SLC10A7: variants seen among roughly 807,000 people sequenced by gnomAD.
The protein encoded by SLC10A7 is sodium/bile acid cotransporter 7.
SLC10A7 carries 29 observed loss-of-function variants against 43.2 expected under a neutral mutation model. The observed-to-expected ratio is 0.67, with a 90% CI of 0.50 to 0.92. The LOEUF is 0.92. Ranked by LOEUF, SLC10A7 falls within the 40% of genes least tolerant of loss-of-function variation. The pLI is 0.00. For missense variants in SLC10A7, 295 were observed against 403.2 expected (o/e 0.73, Z 2.30); for synonymous variants, 152 against 144.8 (o/e 1.05, Z -0.35).
chr4:146,419,242 A>G (rs1160043426), intron 5 of SLC10A7, among the ~76,000 whole-genome samples: 1 of 152,092 alleles, frequency 6.6e-6, no homozygotes. Context: ...GAAAGTCCCT[A>G]CCCTCTAATC....
At chr4:146,319,273 G>T (rs967823948) in intron 6 of SLC10A7, among the ~76,000 whole-genome samples, 1 of 151,994 alleles carries the variant, frequency 6.6e-6, no homozygotes, top group African/African-American at 2.4e-5. Context: ...TAAGGACACT[G>T]GGTATACTCC....
chr4:146,335,595 T>C (rs1335908229), intron 5 of SLC10A7, among the ~76,000 whole-genome samples: 1 of 152,070 alleles, frequency 6.6e-6, no homozygotes, highest in African/African-American at 2.4e-5. Context: ...ACAGAGGAAC[T>C]GTCCCGCAGA....
intron 5 of SLC10A7, among the ~76,000 whole-genome samples, chr4:146,406,374 A>G (rs992330278): frequency 2.0e-4 from 31 of 152,206 alleles, no homozygotes; most frequent in Non-Finnish European, 4.4e-4. Context: ...TTTTAAGCCT[A>G]TCGCTGAATA....
At chr4:146,368,972 G>C (rs184370354) in intron 5 of SLC10A7, among the ~76,000 whole-genome samples, 1 of 152,272 alleles carries the variant, frequency 6.6e-6, no homozygotes, top group Non-Finnish European at 1.5e-5. Flanking sequence ...GAGCTACCCA[G>C]CCTGTATTAA....
intron 3 of SLC10A7, among the ~76,000 whole-genome samples, chr4:146,508,792 A>G (rs1328480174): frequency 6.6e-6 from 1 of 152,212 alleles, no homozygotes; most frequent in Non-Finnish European, 1.5e-5. Flanking sequence ...ATTTGCAAAC[A>G]TAAATCAGAC....
intron 4 of SLC10A7, among the ~76,000 whole-genome samples, chr4:146,491,241 A>C (rs1735387504): frequency 6.6e-6 from 1 of 152,164 alleles, no homozygotes; most frequent in Admixed American, 6.5e-5. Flanking sequence ...CAAGCAGCAG[A>C]AGAATTCATG....
intron 7 of SLC10A7, among the ~76,000 whole-genome samples, chr4:146,301,416 G>T (rs1389152004): frequency 6.6e-6 from 1 of 152,186 alleles, no homozygotes; most frequent in Non-Finnish European, 1.5e-5. Context: ...GGTTGGGCCA[G>T]ACTGTGAAGG....
intron 5 of SLC10A7, among the ~76,000 whole-genome samples, chr4:146,378,380 A>G (rs1190754241): frequency 6.6e-6 from 1 of 152,158 alleles, no homozygotes; most frequent in Non-Finnish European, 1.5e-5. Context: ...TACAGCTCCA[A>G]TTTCCTAATC....
intron 10 of SLC10A7, among the ~76,000 whole-genome samples, chr4:146,279,716 C>T (rs941018806): frequency 5.3e-5 from 8 of 152,138 alleles, no homozygotes; most frequent in African/African-American, 1.9e-4. Context: ...CCTCTTTCTT[C>T]CTGAACGAAC....
chr4:146,340,070 T>C lies in SLC10A7; in HGVS notation c.436-14074A>G, dbSNP rs573731610. Among the ~76,000 whole-genome samples the C allele has an allele frequency of 2.2e-3, 332 of 152,010 alleles. 1 individual carries two copies. The highest frequency in any genetic ancestry group is 7.4e-3 in the African/African-American group (309 of 41,486). The stretch of plus-strand genomic sequence containing the variant: ...TCTTTCCCTATCTACCTCTCACCAA[T>C]GACACCAATTTTAAACAGGTTTCTC... On this transcript the variant is annotated intron_variant, in intron 5 of 11. Coordinates refer to ENST00000335472, the MANE Select transcript of SLC10A7 (RefSeq NM_001029998.6).
At chr4:146,408,627 A>G in intron 5 of SLC10A7, 1 of 152,088 alleles carries the variant, frequency 6.6e-6, no homozygotes, top group East Asian at 1.9e-4. Context: ...ACAACTGACT[A>G]CTTCGAAAAT....
intron 4 of SLC10A7, among the ~76,000 whole-genome samples, chr4:146,467,745 T>G (rs1240444035): frequency 6.6e-6 from 1 of 152,038 alleles, no homozygotes; most frequent in Non-Finnish European, 1.5e-5. Flanking sequence ...GTATTTTTAG[T>G]AGAGATGGGG....
intron 4 of SLC10A7, among the ~76,000 whole-genome samples, chr4:146,457,513 A>T (rs1021230348): frequency 2.6e-5 from 4 of 151,846 alleles, no homozygotes; most frequent in African/African-American, 9.7e-5. Flanking sequence ...CCATCCCCTC[A>T]TCGCCCCAAA....
intron 5 of SLC10A7, among the ~76,000 whole-genome samples, chr4:146,428,679 TTTC>T (rs1729549231): frequency 6.6e-6 from 1 of 152,110 alleles, no homozygotes; most frequent in Non-Finnish European, 1.5e-5. Flanking sequence ...TACTGTACAG[TTTC>T]TTTTTATGCA....
intron 5 of SLC10A7, among the ~76,000 whole-genome samples, chr4:146,430,327 T>C (rs1729685029): frequency 6.6e-6 from 1 of 152,146 alleles, no homozygotes; most frequent in Non-Finnish European, 1.5e-5. Flanking sequence ...ACATAAAAGT[T>C]ATATGTGATA....
intron 5 of SLC10A7, among the ~76,000 whole-genome samples, chr4:146,339,979 T>TC (rs555197318): frequency 1.1e-3 from 160 of 151,754 alleles, no homozygotes; most frequent in African/African-American, 3.7e-3. Context: ...CCTCCCCTTG[T>TC]CCCCCACCCC....
At chr4:146,272,543 G>A (rs1044819139) in intron 10 of SLC10A7, among the ~76,000 whole-genome samples, 2 of 152,212 alleles carry the variant, frequency 1.3e-5, no homozygotes, top group East Asian at 1.9e-4. Context: ...AGCATGGAGC[G>A]GGCTGTCATT....
At chr4:146,450,978 C>T (rs1253268484) in intron 4 of SLC10A7, among the ~76,000 whole-genome samples, 5 of 148,090 alleles carry the variant, frequency 3.4e-5, no homozygotes, top group Admixed American at 6.7e-5. Context: ...ATAAAAGCAG[C>T]GAGGAAAAGG....
intron 5 of SLC10A7, among the ~76,000 whole-genome samples, chr4:146,420,560 A>C (rs1034256609): frequency 6.6e-6 from 1 of 152,222 alleles, no homozygotes. Flanking sequence ...TAGAGGAAAA[A>C]AGACTGGGCT....
Sources: allele counts gnomAD v4.1 joint callset (sites outside exome capture counted in the v4.1 genomes callset), GRCh38; gene constraint gnomAD v4.1.1; transcripts MANE v1.5; gene names NCBI Gene and HGNC (gene_info 2026-07-23, HGNC 2026-07-21).